Variants in RALB observed in about 807,000 individuals in gnomAD.
The protein encoded by RALB is RAS like proto-oncogene B, also known as ras-related protein Ral-B.
In RALB, 16 loss-of-function variants were observed where a neutral mutation model predicts 21.3. The ratio of observed to expected loss-of-function variants is 0.75; its 90% confidence interval spans 0.51 to 1.14. RALB has a LOEUF of 1.14. RALB is among the 50% of genes most tolerant of loss of function. The pLI is 0.00. For missense variants in RALB, 161 were observed against 256.2 expected, an observed-to-expected ratio of 0.63 and a Z score of 2.54; for synonymous variants, 93 against 96.1, an observed-to-expected ratio of 0.97 and a Z score of 0.19.
intron 1 of RALB, among the ~76,000 whole-genome samples, chr2:120,246,786 G>A (rs536683642): frequency 3.3e-4 from 50 of 152,286 alleles, no homozygotes; most frequent in African/African-American, 9.9e-4. Flanking sequence ...CAGAGGTCAC[G>A]GGGACTGTGA....
chr2:120,259,674 C>T lies in RALB; in HGVS notation c.-48+6694C>T, dbSNP rs866705345. 2.0e-5 allele frequency among the ~76,000 whole-genome samples: 3 copies of T among 152,392 alleles called. No homozygotes were observed. In the South Asian group the frequency reaches 6.2e-4, roughly 32 times the overall value. ...TCCACGTCCCCACCAGACTCAGGAGCCCAGCTGGCTTCACCTAGTGGATCC... is the reference window on the plus strand; with the variant it reads ...TCCACGTCCCCACCAGACTCAGGAGTCCAGCTGGCTTCACCTAGTGGATCC... On this transcript the variant is annotated intron_variant, in intron 1 of 4. Coordinates refer to ENST00000272519, the MANE Select transcript of RALB (RefSeq NM_002881.3).
intron 1 of RALB, among the ~76,000 whole-genome samples, chr2:120,261,787 C>T (rs1047073397): frequency 8.6e-5 from 13 of 151,984 alleles, no homozygotes; most frequent in Admixed American, 6.6e-4. Context: ...TCTTGTTATG[C>T]AGAGAGAGAG....
At chr2:120,246,958 G>T (rs972799423) in intron 1 of RALB, among the ~76,000 whole-genome samples, 2 of 152,228 alleles carry the variant, frequency 1.3e-5, no homozygotes, top group Non-Finnish European at 2.9e-5. Flanking sequence ...TTCCTGGTAG[G>T]CTGCAAATCA....
chr2:120,284,743 C>T (rs913577089), intron 2 of RALB, among the ~76,000 whole-genome samples: 17 of 64,000 alleles, frequency 2.7e-4, no homozygotes, highest in Admixed American at 1.8e-3. Flanking sequence ...ACTTTCATCA[C>T]TCCAAAAAAA....
rs542476140 is a variant in RALB, at chr2:120,244,948, G to A, written c.19+4823G>A. 5.9e-5 allele frequency among the ~76,000 whole-genome samples: 9 copies of A among 152,354 alleles called. No individual in the cohort carries two copies. The South Asian group carries it at 1.9e-3, about 32-fold the overall frequency. On this transcript the variant is annotated intron_variant, in intron 1 of 3. Transcript: ENST00000447591. ...GGCCAGGAGTCCCAAAAGTCAGGGA[G>A]CTGAGCTGGTTCTGCCAAAGGTGTG...
chr2:120,258,030 G>A (rs980610126), intron 1 of RALB, among the ~76,000 whole-genome samples: 14 of 152,170 alleles, frequency 9.2e-5, no homozygotes, highest in African/African-American at 1.2e-4. Context: ...AGTCCCCACC[G>A]TGTTGCCGGC....
At chr2:120,240,217 T>C in intron 1 of RALB, 1 of 1,218,236 alleles carries the variant, frequency 8.2e-7, no homozygotes, top group Non-Finnish European at 1.1e-6. Context: ...CAAAGGAAGC[T>C]CAGAGAGGTA....
chr2:120,283,225 A>C (rs982229080), intron 2 of RALB, among the ~76,000 whole-genome samples: 1 of 152,172 alleles, frequency 6.6e-6, no homozygotes, highest in Non-Finnish European at 1.5e-5. Context: ...GATGACTTTG[A>C]ATGTGGCCCA....
intron 2 of RALB, among the ~76,000 whole-genome samples, chr2:120,283,031 A>C (rs894084389): frequency 8.6e-5 from 13 of 151,936 alleles, no homozygotes; most frequent in Non-Finnish European, 1.5e-5. Flanking sequence ...AAAAAAAAAA[A>C]CACCTCCTGA....
chr2:120,262,728 G>A (rs1021585220), intron 1 of RALB, among the ~76,000 whole-genome samples: 8 of 152,216 alleles, frequency 5.3e-5, no homozygotes, highest in East Asian at 3.8e-4. Context: ...GAGCCGTTTC[G>A]GGAGTTGCTG....
intron 1 of RALB, among the ~76,000 whole-genome samples, chr2:120,245,081 G>C (rs72841694): frequency 1.3e-4 from 20 of 152,336 alleles, no homozygotes; most frequent in Non-Finnish European, 2.2e-4. Context: ...TTATCTGGCT[G>C]CTGGTGCCTG....
intron 1 of RALB, among the ~76,000 whole-genome samples, chr2:120,265,269 ACGT>A (rs1344382795): frequency 6.6e-6 from 1 of 152,216 alleles, no homozygotes; most frequent in African/African-American, 2.4e-5. Context: ...GCAAATCTGC[ACGT>A]CATGTTACTG....
intron 1 of RALB, among the ~76,000 whole-genome samples, chr2:120,277,330 G>C (rs542025023): frequency 0.08 from 12,111 of 151,156 alleles, 645 homozygotes; most frequent in Non-Finnish European, 0.12. Context: ...GTGAGATTGT[G>C]TGTGGTGTGA....
intron 2 of RALB, 49 bp downstream of exon 2, chr2:120,278,827 A>G: frequency 6.9e-7 from 1 of 1,442,274 alleles, no homozygotes; most frequent in Non-Finnish European, 9.2e-7. Context: ...TGGCCGTAGC[A>G]GTGTCCCTGC....
chr2:120,265,407 T>G (rs1033418809), intron 1 of RALB, among the ~76,000 whole-genome samples: 1 of 152,280 alleles, frequency 6.6e-6, no homozygotes, highest in African/African-American at 2.4e-5. Flanking sequence ...TATTATGTGG[T>G]CTGTCATTGA....
At chr2:120,253,518 G>C (rs1308046581) in intron 1 of RALB, 1 of 985,658 alleles carries the variant, frequency 1.0e-6, no homozygotes, top group South Asian at 4.7e-5. Flanking sequence ...TTTCCTTTCT[G>C]ATAGGGGCCA....
intron 1 of RALB, among the ~76,000 whole-genome samples, chr2:120,277,481 G>A (rs1335098764): frequency 6.6e-6 from 1 of 150,864 alleles, no homozygotes; most frequent in East Asian, 1.9e-4. Context: ...GTGTGAGCAT[G>A]AACATGTATG....
upstream of RALB, among the ~76,000 whole-genome samples, chr2:120,249,532 G>A (rs990445168): frequency 6.6e-6 from 1 of 152,144 alleles, no homozygotes; most frequent in East Asian, 1.9e-4. Flanking sequence ...CTCATACTGA[G>A]AGCGGGGATA....
At chr2:120,266,765 G>A (rs751434294) in intron 1 of RALB, among the ~76,000 whole-genome samples, 1 of 152,148 alleles carries the variant, frequency 6.6e-6, no homozygotes, top group Non-Finnish European at 1.5e-5. Flanking sequence ...TCCTTTTGAG[G>A]CCTCACAACC....
Sources: allele counts gnomAD v4.1 joint callset (sites outside exome capture counted in the v4.1 genomes callset), GRCh38; gene constraint gnomAD v4.1.1; transcripts MANE v1.5; gene names NCBI Gene and HGNC (gene_info 2026-07-23, HGNC 2026-07-21).